The following SPAG17 variants were observed in gnomAD, a reference collection of about 807,000 sequenced individuals.
SPAG17 encodes the protein sperm-associated antigen 17.
SPAG17 carries 169 observed loss-of-function variants against 273.6 expected under a neutral mutation model. The observed-to-expected ratio is 0.62, with a 90% confidence interval of 0.55 to 0.70. The LOEUF is 0.70. SPAG17 is among the 30% of genes least tolerant of loss of function. The pLI is 0.00. For missense variants in SPAG17, 2,557 were observed against 2,627.8 expected, an observed-to-expected ratio of 0.97 and a Z score of 0.59; for synonymous variants, 825 against 873.2, an observed-to-expected ratio of 0.94 and a Z score of 0.97.
intron 4 of SPAG17, among the ~76,000 whole-genome samples, chr1:118,110,232 C>A (rs540234504): frequency 2.0e-5 from 3 of 152,086 alleles, no homozygotes; most frequent in Non-Finnish European, 4.4e-5. Context: ...TAAAACATCA[C>A]AAAACCAGTA....
At chr1:118,081,946 G>C (rs1231543044) in intron 13 of SPAG17, among the ~76,000 whole-genome samples, 1 of 152,186 alleles carries the variant, frequency 6.6e-6, no homozygotes, top group Non-Finnish European at 1.5e-5. Context: ...GTACCATATT[G>C]GTTGAATATG....
At chr1:118,042,935 GA>G (rs1649940613) in intron 20 of SPAG17, among the ~76,000 whole-genome samples, 1 of 152,112 alleles carries the variant, frequency 6.6e-6, no homozygotes, top group Non-Finnish European at 1.5e-5. Context: ...AAGACGCCAA[GA>G]ACCTGGACCC....
At chr1:118,148,953 A>G (rs1220348393) in intron 3 of SPAG17, among the ~76,000 whole-genome samples, 1 of 152,140 alleles carries the variant, frequency 6.6e-6, no homozygotes, top group Admixed American at 6.6e-5. Context: ...CAGATGTGCA[A>G]CCTGTCCTTG....
Position 117,984,714 on chromosome 1 carries a change from T to A in SPAG17, c.5738A>T (p.Lys1913Ile). 6.2e-7 allele frequency: 1 copy of A among 1,609,870 alleles called. No individual in the cohort carries two copies. The highest frequency in any genetic ancestry group is 1.7e-5 in the Admixed American group (1 of 59,944). Reference sequence around the variant, plus strand: ...CTGATATAACTGGTTCAATTCAGATTTAAAAAAGGGTGGTATTATGCGGTT... The same window carrying A: ...CTGATATAACTGGTTCAATTCAGATATAAAAAAGGGTGGTATTATGCGGTT... ...IKNRIIPPFF[K>I]SELNQLYQSQ... Residue 1913 changes from lysine to isoleucine, a missense_variant, in exon 41 of 49, where the codon AAA (lysine) becomes ATA (isoleucine). Lys to Ile is a moderately radical substitution (Grantham distance 102). Coordinates refer to ENST00000336338, the MANE Select transcript of SPAG17 (RefSeq NM_206996.4).
chr1:118,037,960 A>T (rs940017441), intron 23 of SPAG17, among the ~76,000 whole-genome samples: 24 of 152,226 alleles, frequency 1.6e-4, no homozygotes, highest in African/African-American at 5.3e-4. Context: ...CAAATGAACC[A>T]TGGAACAAAA....
chr1:118,000,957 T>A (rs566339390), intron 32 of SPAG17, among the ~76,000 whole-genome samples: 2 of 152,082 alleles, frequency 1.3e-5, no homozygotes, highest in African/African-American at 4.8e-5. Flanking sequence ...TGGCTGTGGG[T>A]TTGTCATAAA....
chr1:118,100,222 G>A (rs572151576), intron 5 of SPAG17, among the ~76,000 whole-genome samples: 127 of 152,274 alleles, frequency 8.3e-4, no homozygotes, highest in Non-Finnish European at 1.2e-3. Flanking sequence ...TTACAGGAGA[G>A]GGAAATAATG....
intron 3 of SPAG17, among the ~76,000 whole-genome samples, chr1:118,115,838 T>C (rs993811826): frequency 3.3e-5 from 5 of 152,244 alleles, no homozygotes; most frequent in Admixed American, 6.5e-5. Context: ...CTTTGACTTA[T>C]TAGGATATTA....
At chr1:117,987,733 A>G in intron 40 of SPAG17, 101 bp downstream of exon 40, 1 of 1,170,658 alleles carries the variant, frequency 8.5e-7, no homozygotes, top group East Asian at 2.4e-5. Flanking sequence ...AGAGAATCAA[A>G]TAACATCTGG....
intron 32 of SPAG17, among the ~76,000 whole-genome samples, chr1:118,004,266 G>A (rs930808034): frequency 6.6e-6 from 1 of 152,148 alleles, no homozygotes; most frequent in Non-Finnish European, 1.5e-5. Flanking sequence ...GGCTACACGG[G>A]GGTCATGGAC....
intron 48 of SPAG17, among the ~76,000 whole-genome samples, chr1:117,954,306 G>A (rs923213572): frequency 6.6e-6 from 1 of 152,056 alleles, no homozygotes; most frequent in Non-Finnish European, 1.5e-5. Flanking sequence ...ATTACAGATT[G>A]AGGTGATTAT....
chr1:118,097,883 T>G (rs1165133376), intron 6 of SPAG17, 32 bp from the exon 7 acceptor site: 1 of 1,471,692 alleles, frequency 6.8e-7, no homozygotes, highest in Admixed American at 2.2e-5. Flanking sequence ...TATTACCAAA[T>G]GAGAGTGTTA....
chr1:118,091,132 A>T (rs572618328), intron 10 of SPAG17, among the ~76,000 whole-genome samples: 1 of 152,322 alleles, frequency 6.6e-6, no homozygotes, highest in South Asian at 2.1e-4. Flanking sequence ...TTAAGTGAAT[A>T]GTGTAAAGCA....
rs1657055441 is a variant in SPAG17 at position 117,991,399 on chromosome 1, C to A, written c.5475+16G>T. ...AAACAATAGTAAGAACATGGGTATA[C>A]AAGGCATTTTCTCACCATAACCAGC... On this transcript the variant is annotated intron_variant, in intron 37 of 48. Transcript: ENST00000336338. 6.8e-7 allele frequency: 1 copy of A among 1,470,188 alleles called. No individual in the cohort carries two copies. Among genetic ancestry groups the A allele is most frequent in the Non-Finnish European group, 9.4e-7 (1 of 1,067,598 alleles). 91.1% of individuals were successfully genotyped at this position (1,470,188 alleles called of 1,614,324 possible).
At chr1:118,123,588 A>T (rs762342816) in intron 3 of SPAG17, among the ~76,000 whole-genome samples, 1 of 152,224 alleles carries the variant, frequency 6.6e-6, no homozygotes, top group Non-Finnish European at 1.5e-5. Context: ...ATTCATAATG[A>T]TGATAAATAT....
chr1:118,180,406 T>C (rs896452118), intron 1 of SPAG17, among the ~76,000 whole-genome samples: 9 of 151,974 alleles, frequency 5.9e-5, no homozygotes, highest in Admixed American at 2.0e-4. Context: ...CTCATGAAGA[T>C]AAAGAGTAGA....
chr1:117,970,277 G>A (rs1292221167), intron 45 of SPAG17, among the ~76,000 whole-genome samples, 161 bp from the exon 46 acceptor site: 2 of 152,226 alleles, frequency 1.3e-5, no homozygotes, highest in Non-Finnish European at 2.9e-5. Flanking sequence ...ATTGGGAGAA[G>A]AATCTGGGGC....
chr1:118,107,948 T>C (rs1425614248), intron 4 of SPAG17, among the ~76,000 whole-genome samples: 1 of 152,204 alleles, frequency 6.6e-6, no homozygotes. Flanking sequence ...TATGTATTAC[T>C]ATGTAAAGAA....
rs552958675 is a variant in SPAG17 at position 117,993,869 on chromosome 1, A to T, written c.5178+537T>A. ...CTTACCCAAGATATTTTATTTTTTT[A>T]AAAAATTTAGCTGGAGCTTCTCTTA... On this transcript the variant is annotated intron_variant, in intron 35 of 48. Coordinates refer to ENST00000336338, the MANE Select transcript of SPAG17 (RefSeq NM_206996.4). Among the ~76,000 whole-genome samples the T allele has an allele frequency of 1.5e-3, 231 of 152,276 alleles. 1 individual carries two copies. The highest frequency in any genetic ancestry group is 5.1e-3 in the African/African-American group (214 of 41,564).
Sources: gnomAD v4.1 joint callset for allele counts (sites outside exome capture counted in the v4.1 genomes callset) on GRCh38, gnomAD v4.1.1 for gene constraint, MANE v1.5 for transcripts, NCBI Gene and HGNC (gene_info 2026-07-23, HGNC 2026-07-21) for gene names.